The following RILPL1 variants were observed in gnomAD, a reference collection of about 807,000 sequenced individuals.
RILPL1 encodes Rab interacting lysosomal protein like 1, also known as RILP-like protein 1.
Under a neutral mutation model 50.3 loss-of-function variants are expected in RILPL1, and 33 were observed. The ratio of observed to expected loss-of-function variants is 0.66; its 90% CI spans 0.50 to 0.88. RILPL1 has a LOEUF of 0.88. Ranked by LOEUF, RILPL1 falls within the 40% of genes least tolerant of loss-of-function variation. The pLI, the probability that RILPL1 is intolerant of heterozygous loss-of-function variation, is 0.00. For missense variants in RILPL1, 418 were observed against 542.5 expected, an observed-to-expected ratio of 0.77 and a Z score of 2.28; for synonymous variants, 205 against 228.6, an observed-to-expected ratio of 0.90 and a Z score of 0.93.
Position 123,481,060 on chromosome 12 carries a change from A to G in RILPL1, c.1067+3120T>C, listed in dbSNP as rs550745925. On this transcript the variant is annotated intron_variant, in intron 6 of 6. Coordinates refer to ENST00000376874, the MANE Select transcript of RILPL1 (RefSeq NM_178314.5). ...GACTCTGCACTGGAGTTTCAGACAGAAGAAAATGAAACCTGGCCGGGCGCG... is the reference window on the plus strand; with the variant it reads ...GACTCTGCACTGGAGTTTCAGACAGGAGAAAATGAAACCTGGCCGGGCGCG... Among the ~76,000 whole-genome samples, 155 of 152,294 alleles carry G rather than the reference A, an allele frequency of 1.0e-3. 1 individual carries two copies. Among genetic ancestry groups the G allele is most frequent in the African/African-American group, 3.5e-3 (146 of 41,580 alleles).
intron 6 of RILPL1, among the ~76,000 whole-genome samples, chr12:123,483,586 C>T (rs1882134850): frequency 6.6e-6 from 1 of 152,156 alleles, no homozygotes; most frequent in Non-Finnish European, 1.5e-5. Flanking sequence ...TTTATCACAA[C>T]CTCAAAGGAA....
intron 2 of RILPL1, among the ~76,000 whole-genome samples, chr12:123,508,947 A>C (rs1404158925): frequency 6.6e-6 from 1 of 152,132 alleles, no homozygotes; most frequent in African/African-American, 2.4e-5. Flanking sequence ...GCACTTTGGG[A>C]AGCTGAGGAG....
Position 123,523,510 on chromosome 12 carries a change from ACTC to A in RILPL1, c.442_444del (p.Glu148del). On this transcript the variant is annotated inframe_deletion, in exon 2 of 7. Transcript: ENST00000376874. ...CCCCACTTACCTTCATGCTTCTGGA[ACTC>A]CTCCTCTGAGAAATTGACATCCTTG... 6.2e-7 allele frequency: 1 copy of A among 1,613,822 alleles called. No homozygotes were observed. Among genetic ancestry groups the A allele is most frequent in the East Asian group, 2.2e-5 (1 of 44,854 alleles).
chr12:123,526,483 C>T (rs1479519998), intron 1 of RILPL1, among the ~76,000 whole-genome samples: 5 of 152,016 alleles, frequency 3.3e-5, no homozygotes, highest in Admixed American at 6.6e-5. Context: ...TGGTATCTGC[C>T]GGGAAGGGTG....
chr12:123,523,614 C>G lies in RILPL1; in HGVS notation c.341G>C (p.Gly114Ala), dbSNP rs1268316488. 6.2e-7 allele frequency: 1 copy of G among 1,613,742 alleles called. No individual in the cohort carries two copies. Among genetic ancestry groups the G allele is most frequent in the Non-Finnish European group, 8.5e-7 (1 of 1,179,868 alleles). The stretch of plus-strand genomic sequence containing the variant: ...CTGGGAGAGGAGGTCCTGCGCCTCC[C>G]CTCGCCACACATCCTCCACCAGCTC... ...ELELVEDVWR[G>A]EAQDLLSQIA... Residue 114 changes from glycine to alanine, a missense_variant, in exon 2 of 7, where the codon GGG (glycine) becomes GCG (alanine). Physicochemically the swap from Gly to Ala is moderately conservative, Grantham distance 60 (BLOSUM62 0). Coordinates refer to ENST00000376874, the MANE Select transcript of RILPL1 (RefSeq NM_178314.5).
chr12:123,510,606 CTG>C (rs1164947652), intron 2 of RILPL1, among the ~76,000 whole-genome samples: 5 of 57,846 alleles, frequency 8.6e-5, no homozygotes, highest in Admixed American at 1.9e-4. Context: ...AATGTGGGGT[CTG>C]TGTGTGTGTG....
chr12:123,515,192 A>G (rs1018297884), intron 2 of RILPL1: 5 of 152,046 alleles, frequency 3.3e-5, no homozygotes, highest in African/African-American at 1.2e-4. Context: ...TCAGACTCCC[A>G]AAGTGTTTAA....
chr12:123,500,218 C>T (rs1360657118), intron 2 of RILPL1, among the ~76,000 whole-genome samples: 3 of 151,566 alleles, frequency 2.0e-5, no homozygotes, highest in Non-Finnish European at 4.4e-5. Flanking sequence ...GCGTGAGCCA[C>T]CGCGCCCGGC....
At position 123,522,614 on chromosome 12, in the gene RILPL1, T is replaced by C. The variant is rs2139384894; in HGVS notation, c.460+881A>G. On this transcript the variant is annotated intron_variant, in intron 2 of 6. Transcript: ENST00000376874. The surrounding 1 kb of genome is among the most constrained non-coding windows in gnomAD (Gnocchi z 4.0). The stretch of plus-strand genomic sequence containing the variant: ...TCTTCTGACACACTAGCCTTCTTTA[T>C]TTTTTTCATCTTACTGTCGCTCAGG... Among the ~76,000 whole-genome samples, 1 of 152,230 alleles carries C rather than the reference T, an allele frequency of 6.6e-6. No homozygotes were observed. The highest frequency in any genetic ancestry group is 2.1e-4 in the South Asian group (1 of 4,820).
rs1344038002 is a variant in RILPL1, at chr12:123,533,520, G to C, written c.-38C>G. 10 of 1,451,226 alleles carry C rather than the reference G, an allele frequency of 6.9e-6. No homozygotes were observed. Among genetic ancestry groups the C allele is most frequent in the East Asian group, 2.7e-5 (1 of 37,316 alleles). 89.9% of individuals were successfully genotyped at this position (1,451,226 alleles called of 1,614,324 possible). A position where few individuals can be genotyped will look rare whatever the true frequency, so the allele number is the denominator to read the frequency against. On this transcript the variant is annotated 5_prime_UTR_variant, in exon 1 of 7. Coordinates refer to ENST00000376874, the MANE Select transcript of RILPL1 (RefSeq NM_178314.5). The surrounding 1 kb of genome is among the most constrained non-coding windows in gnomAD (Gnocchi z 6.2). Reference sequence around the variant, plus strand: ...GGCCTGTCCCCCGCCCCGCAAACTCGTGCAACTCCCAAACTTGCCGCTGTC... The same window carrying C: ...GGCCTGTCCCCCGCCCCGCAAACTCCTGCAACTCCCAAACTTGCCGCTGTC...
intron 2 of RILPL1, among the ~76,000 whole-genome samples, chr12:123,504,295 C>A (rs959058949): frequency 1.3e-5 from 2 of 152,052 alleles, no homozygotes; most frequent in Non-Finnish European, 2.9e-5. Flanking sequence ...CAGAGGCAAC[C>A]CCTCAGCTAT....
chr12:123,501,637 G>A (rs1275651137), intron 2 of RILPL1, among the ~76,000 whole-genome samples: 1 of 151,570 alleles, frequency 6.6e-6, no homozygotes, highest in Non-Finnish European at 1.5e-5. Context: ...GTGAGCGCCT[G>A]TAGTCCCAGC....
intron 2 of RILPL1, among the ~76,000 whole-genome samples, chr12:123,520,535 G>A (rs1884962972): frequency 6.6e-6 from 1 of 152,154 alleles, no homozygotes; most frequent in Non-Finnish European, 1.5e-5. Context: ...TTACAGCCTG[G>A]TCGACGGAGT....
chr12:123,497,685 C>A lies in RILPL1; in HGVS notation c.801+859G>T, dbSNP rs377035147. Reference sequence around the variant, plus strand: ...GGGATTACAGGTGTGAGCCACCATACCCAGCCCAAAAGCAAGTTTTTAATT... The same window carrying A: ...GGGATTACAGGTGTGAGCCACCATAACCAGCCCAAAAGCAAGTTTTTAATT... On this transcript the variant is annotated intron_variant, in intron 4 of 6. Coordinates refer to ENST00000376874, the MANE Select transcript of RILPL1 (RefSeq NM_178314.5). Among the ~76,000 whole-genome samples, 37 of 152,268 alleles carry A rather than the reference C, an allele frequency of 2.4e-4. No homozygotes were observed. The East Asian group carries it at 6.8e-3, about 28-fold the overall frequency.
intron 2 of RILPL1, among the ~76,000 whole-genome samples, chr12:123,521,603 ATATACACACATATG>A (rs1885027054): frequency 1.8e-5 from 1 of 56,364 alleles, no homozygotes; most frequent in Non-Finnish European, 3.2e-5. Flanking sequence ...ATATTAATAT[ATATACACACATATG>A]TGTATATATA....
chr12:123,514,391 C>CA (rs1023206530), intron 2 of RILPL1: 1 of 151,426 alleles, frequency 6.6e-6, no homozygotes, highest in Non-Finnish European at 1.5e-5. Flanking sequence ...TGTTTTGGAA[C>CA]AAAACAGGTG....
chr12:123,484,995 AC>A (rs1220708632), intron 5 of RILPL1: 1 of 381,200 alleles, frequency 2.6e-6, no homozygotes, highest in Non-Finnish European at 5.3e-6. Context: ...CAGTCAGTAA[AC>A]CTTTCAATAA....
At position 123,523,818 on chromosome 12, in the gene RILPL1, G is replaced by C. The variant is rs930256723; in HGVS notation, c.310-173C>G. Among the ~76,000 whole-genome samples, 11 of 152,228 alleles carry C rather than the reference G, an allele frequency of 7.2e-5. No homozygotes were observed. In the East Asian group the frequency reaches 2.1e-3, roughly 29 times the overall value. ...CCATATGGCACCTCTGCAAGAAACA[G>C]AAGCCACCCTTCTTTGGGGCAGATG... On this transcript the variant is annotated intron_variant, in intron 1 of 6. Transcript: ENST00000376874.
chr12:123,481,619 C>T (rs530030096), intron 6 of RILPL1, among the ~76,000 whole-genome samples: 9 of 151,588 alleles, frequency 5.9e-5, no homozygotes, highest in Non-Finnish European at 1.3e-4. Flanking sequence ...TGCAATGGCA[C>T]GATCTTGGCT....
Sources: gnomAD v4.1 joint callset for allele counts (sites outside exome capture counted in the v4.1 genomes callset) on GRCh38, gnomAD v4.1.1 for gene constraint, Gnocchi (gnomAD v3.1) non-coding constraint, MANE v1.5 for transcripts, NCBI Gene and HGNC (gene_info 2026-07-23, HGNC 2026-07-21) for gene names.